Variants in RMDN1 observed in about 807,000 individuals in gnomAD.
RMDN1 encodes regulator of microtubule dynamics 1.
A neutral mutation model predicts 48.9 loss-of-function variants in RMDN1; 48 were observed. The observed-to-expected ratio is 0.98, with a 90% confidence interval of 0.78 to 1.25. The LOEUF (loss-of-function observed/expected upper bound fraction) is 1.25, where lower values mean the gene tolerates loss of function less well. Ranked by LOEUF, RMDN1 falls within the 50% of genes most tolerant of loss-of-function variation. RMDN1 has a pLI of 0.00. For synonymous variants in RMDN1, 148 were observed against 132.6 expected (o/e 1.12, Z -0.80); for missense variants, 418 against 373.4 (o/e 1.12, Z -0.98).
intron 2 of RMDN1, chr8:86,503,604 TG>T: frequency 2.1e-6 from 1 of 483,246 alleles, no homozygotes; most frequent in Admixed American, 2.2e-5. Flanking sequence ...ACCCCAGCTC[TG>T]ATCGTTGCCA....
rs1812969691 is a variant in RMDN1, at chr8:86,474,150, ATTAT to A, written c.*154_*157del. 1 of 1,384,440 alleles carries A rather than the reference ATTAT, an allele frequency of 7.2e-7. No individual in the cohort carries two copies. The highest frequency in any genetic ancestry group is 1.5e-5 in the African/African-American group (1 of 68,308). The allele number at this position is 1,384,440 out of a possible 1,614,324, so 85.8% of individuals were successfully genotyped here. ...TTATGGCGATTATTTATTTTACCCT[ATTAT>A]TTGTGAAGAAGCCTAGAATATTTTA... On this transcript the variant is annotated 3_prime_UTR_variant, in exon 10 of 10. Coordinates refer to ENST00000406452, the MANE Select transcript of RMDN1 (RefSeq NM_016033.3).
chr8:86,476,699 CTT>C (rs1563583994), intron 8 of RMDN1, among the ~76,000 whole-genome samples: 1 of 152,016 alleles, frequency 6.6e-6, no homozygotes. Context: ...GATGCATAAT[CTT>C]TTTTTGTTTT....
intron 2 of RMDN1, 89 bp downstream of exon 2, chr8:86,506,906 T>C (rs1402652569): frequency 1.0e-5 from 7 of 702,812 alleles, no homozygotes; most frequent in East Asian, 5.0e-5. Context: ...ATTATTAACA[T>C]TACCCTGATT....
intron 2 of RMDN1, among the ~76,000 whole-genome samples, chr8:86,491,088 A>G (rs1483879103): frequency 6.6e-6 from 1 of 151,796 alleles, no homozygotes; most frequent in Non-Finnish European, 1.5e-5. Flanking sequence ...AATTACATAA[A>G]TACTATAAGC....
chr8:86,477,455 C>A, intron 7 of RMDN1, 131 bp from the exon 8 acceptor site: 1 of 685,098 alleles, frequency 1.5e-6, no homozygotes, highest in South Asian at 2.4e-5. Flanking sequence ...AAATAATGGT[C>A]ACTTCTTCAA....
intron 1 of RMDN1, among the ~76,000 whole-genome samples, chr8:86,514,044 A>G (rs1431808832): frequency 6.6e-6 from 1 of 150,796 alleles, no homozygotes; most frequent in African/African-American, 2.4e-5. Flanking sequence ...AGGGGGTCTC[A>G]TTTTTTTGCC....
At chr8:86,468,982 C>G (rs1812320232), downstream of RMDN1, among the ~76,000 whole-genome samples, 1 of 152,130 alleles carries the variant, frequency 6.6e-6, no homozygotes, top group African/African-American at 2.4e-5. Context: ...GAGGGAGGCT[C>G]AGAGACAGGT....
downstream of RMDN1, chr8:86,470,228 A>G (rs1225918226): frequency 1.6e-6 from 2 of 1,289,228 alleles, no homozygotes; most frequent in Admixed American, 2.3e-5. Flanking sequence ...TTTGATATAC[A>G]TGTACGTGGG....
intron 3 of RMDN1, among the ~76,000 whole-genome samples, chr8:86,487,603 A>G (rs1263833938): frequency 6.6e-6 from 1 of 152,010 alleles, no homozygotes; most frequent in African/African-American, 2.4e-5. Flanking sequence ...ATAAAATAAA[A>G]TAAAATAAAT....
chr8:86,475,608 G>C (rs1037612706), intron 8 of RMDN1, among the ~76,000 whole-genome samples: 3 of 151,510 alleles, frequency 2.0e-5, no homozygotes, highest in Non-Finnish European at 4.4e-5. Context: ...TGAAAGAAAA[G>C]CATAAACAGA....
chr8:86,470,338 T>C (rs1197530564), downstream of RMDN1: 58 of 1,289,188 alleles, frequency 4.5e-5, no homozygotes, highest in Non-Finnish European at 5.9e-5. Flanking sequence ...TCCTGGGGTT[T>C]GTTCTCAGTA....
intron 5 of RMDN1, chr8:86,482,945 C>G (rs1396699348): frequency 1.1e-5 from 9 of 805,496 alleles, no homozygotes; most frequent in Non-Finnish European, 1.8e-5. Flanking sequence ...TGGGCTCGGA[C>G]GAGGTCCCCG....
At chr8:86,468,549 CT>C, downstream of RMDN1, 2 of 421,410 alleles carry the variant, frequency 4.7e-6, no homozygotes, top group South Asian at 3.5e-5. Context: ...GGTACCACTG[CT>C]GTATAAATTT....
intron 2 of RMDN1, among the ~76,000 whole-genome samples, chr8:86,503,390 C>CAAAACAAAACA (rs1491204153): frequency 0.083 from 4,503 of 54,296 alleles, 230 homozygotes; most frequent in Non-Finnish European, 0.098. Flanking sequence ...AAAAAAAAAA[C>CAAAACAAAACA]AAAAAAAAAT....
At chr8:86,468,632 TTTCCA>T, downstream of RMDN1, 1 of 453,808 alleles carries the variant, frequency 2.2e-6, no homozygotes, top group Non-Finnish European at 4.4e-6. Flanking sequence ...AGAAGGCAGC[TTTCCA>T]GTTCGTTTTC....
intron 9 of RMDN1, 26 bp from the exon 10 acceptor site, chr8:86,474,384 A>T (rs781275287): frequency 6.5e-7 from 1 of 1,541,268 alleles, no homozygotes; most frequent in African/African-American, 1.4e-5. Context: ...ACATGTTATA[A>T]GTAAACAGGA....
At chr8:86,478,723 C>T (rs1253473978) in intron 7 of RMDN1, 200 bp downstream of exon 7, 9 of 538,554 alleles carry the variant, frequency 1.7e-5, no homozygotes, top group Non-Finnish European at 2.6e-5. Flanking sequence ...AATTACCAGC[C>T]ACTCACCTAA....
intron 8 of RMDN1, among the ~76,000 whole-genome samples, chr8:86,475,280 T>C (rs1285936652): frequency 2.0e-5 from 3 of 152,166 alleles, no homozygotes; most frequent in African/African-American, 7.2e-5. Flanking sequence ...GCAATACTCT[T>C]TTTAATCTCT....
chr8:86,479,619 A>T (rs1813999467), intron 6 of RMDN1, among the ~76,000 whole-genome samples: 1 of 152,144 alleles, frequency 6.6e-6, no homozygotes, highest in South Asian at 2.1e-4. Context: ...CTCAATTATC[A>T]TTAATCCTCA....
Sources: allele counts gnomAD v4.1 joint callset (sites outside exome capture counted in the v4.1 genomes callset), GRCh38; gene constraint gnomAD v4.1.1; transcripts MANE v1.5; gene names NCBI Gene and HGNC (gene_info 2026-07-23, HGNC 2026-07-21).